JMY: variants seen among roughly 807,000 people sequenced by gnomAD.
JMY encodes junction mediating and regulatory protein, p53 cofactor.
JMY carries 46 observed loss-of-function variants against 103.3 expected under a neutral mutation model. That is an observed-to-expected ratio of 0.45 (90% CI 0.35 to 0.57). The LOEUF (loss-of-function observed/expected upper bound fraction) is 0.57. JMY is among the 20% of genes least tolerant of loss of function. The pLI is 0.00. For missense variants in JMY, 1,238 were observed against 1,255.2 expected (o/e 0.99, Z 0.21); for synonymous variants, 526 against 489.3 (o/e 1.07, Z -0.99).
intron 1 of JMY, among the ~76,000 whole-genome samples, chr5:79,253,582 G>T (rs1403194742): frequency 6.6e-6 from 1 of 152,138 alleles, no homozygotes; most frequent in Non-Finnish European, 1.5e-5. Flanking sequence ...GTGAGCCACC[G>T]CCCAGCCTGG....
intron 2 of JMY, among the ~76,000 whole-genome samples, chr5:79,279,699 A>T (rs904768393): frequency 1.3e-5 from 2 of 151,690 alleles, no homozygotes; most frequent in Non-Finnish European, 2.9e-5. Context: ...CTTTATCAAT[A>T]CTTTTGGAAA....
chr5:79,274,113 A>G (rs957638249), intron 1 of JMY, among the ~76,000 whole-genome samples: 7 of 147,696 alleles, frequency 4.7e-5, no homozygotes, highest in Non-Finnish European at 9.0e-5. Context: ...ACAGGAGTGA[A>G]CCACCACACC....
At chr5:79,297,192 G>C (rs1189060655) in intron 4 of JMY, among the ~76,000 whole-genome samples, 1 of 152,142 alleles carries the variant, frequency 6.6e-6, no homozygotes. Flanking sequence ...TTGGTTTGGG[G>C]TACTGGTATC....
intron 8 of JMY, among the ~76,000 whole-genome samples, chr5:79,313,105 C>T (rs918480680): frequency 6.6e-6 from 1 of 151,952 alleles, no homozygotes; most frequent in African/African-American, 2.4e-5. Flanking sequence ...ACAAGTGTTA[C>T]AGTGGAAAAA....
chr5:79,294,141 C>T (rs1378887481), intron 4 of JMY, among the ~76,000 whole-genome samples: 3 of 152,158 alleles, frequency 2.0e-5, no homozygotes, highest in African/African-American at 4.8e-5. Context: ...TGGTGGCTCA[C>T]GCCTGTAATC....
At chr5:79,301,317 T>C (rs1746727668) in intron 6 of JMY, among the ~76,000 whole-genome samples, 1 of 152,230 alleles carries the variant, frequency 6.6e-6, no homozygotes, top group Non-Finnish European at 1.5e-5. Context: ...TGTTTTGCAC[T>C]CTAGTCCAGA....
chr5:79,319,352 A>G (rs1747361936), intron 10 of JMY, among the ~76,000 whole-genome samples: 1 of 152,186 alleles, frequency 6.6e-6, no homozygotes, highest in African/African-American at 2.4e-5. Flanking sequence ...CTTAGAAAAT[A>G]TATGAGCTTG....
intron 1 of JMY, among the ~76,000 whole-genome samples, chr5:79,259,641 C>T (rs1048168817): frequency 3.9e-5 from 6 of 152,240 alleles, no homozygotes; most frequent in African/African-American, 7.2e-5. Flanking sequence ...GCCCAAAGTC[C>T]GCAGCAGGCT....
At chr5:79,261,959 A>G (rs1304535824) in intron 1 of JMY, among the ~76,000 whole-genome samples, 1 of 152,248 alleles carries the variant, frequency 6.6e-6, no homozygotes, top group Non-Finnish European at 1.5e-5. Context: ...TCAATAGAGC[A>G]AAATCATTTT....
chr5:79,236,662 G>A lies in JMY; in HGVS notation c.12G>A (p.Ala4=). Residue 4 remains alanine, a synonymous_variant, in exon 1 of 11, where the codon GCG becomes GCA. Coordinates refer to ENST00000396137, the MANE Select transcript of JMY (RefSeq NM_152405.5). MSF[A]LEETLESDWV... is the part of the protein sequence containing the mutation. ...AAGCCGGAGCCACCATGTCGTTCGC[G>A]CTGGAGGAGACGCTCGAGTCGGACT... 6.8e-7 allele frequency: 1 copy of A among 1,462,362 alleles called. No individual in the cohort carries two copies. Among genetic ancestry groups the A allele is most frequent in the Non-Finnish European group, 9.1e-7 (1 of 1,099,538 alleles). 90.6% of individuals were successfully genotyped at this position (1,462,362 alleles called of 1,614,324 possible). A position where few individuals can be genotyped will look rare whatever the true frequency, so the allele number is the denominator to read the frequency against.
chr5:79,276,579 A>AT (rs1745943260), intron 1 of JMY, among the ~76,000 whole-genome samples: 1 of 151,140 alleles, frequency 6.6e-6, no homozygotes, highest in Non-Finnish European at 1.5e-5. Context: ...TAATTTTTAC[A>AT]TTTTTTCTCC....
chr5:79,303,923 C>T (rs1746810518), intron 6 of JMY, among the ~76,000 whole-genome samples: 1 of 151,938 alleles, frequency 6.6e-6, no homozygotes, highest in Non-Finnish European at 1.5e-5. Context: ...GCAAAGGAAA[C>T]TGTACAGGTG....
At chr5:79,280,536 A>G (rs569885319) in intron 2 of JMY, among the ~76,000 whole-genome samples, 4 of 152,194 alleles carry the variant, frequency 2.6e-5, no homozygotes, top group Non-Finnish European at 4.4e-5. Context: ...AGACATTGAG[A>G]AAATGCCCCA....
chr5:79,278,366 A>G (rs1746007261), intron 2 of JMY, among the ~76,000 whole-genome samples: 2 of 151,746 alleles, frequency 1.3e-5, no homozygotes, highest in South Asian at 4.2e-4. Flanking sequence ...GAGGATTCCT[A>G]TTTTCTCCCT....
intron 1 of JMY, among the ~76,000 whole-genome samples, chr5:79,238,692 G>A (rs539429894): frequency 2.2e-5 from 3 of 134,832 alleles, no homozygotes; most frequent in Non-Finnish European, 4.6e-5. Context: ...CCGTCTCCCA[G>A]GCTGGAGTAC....
intron 2 of JMY, chr5:79,284,445 G>T (rs756039428): frequency 1.3e-6 from 2 of 1,554,838 alleles, no homozygotes; most frequent in Non-Finnish European, 1.8e-6. Flanking sequence ...TGGCGGACCC[G>T]TTGGTGCTGG....
chr5:79,240,257 G>A (rs376140209), intron 1 of JMY, among the ~76,000 whole-genome samples: 16 of 151,884 alleles, frequency 1.1e-4, no homozygotes, highest in African/African-American at 3.9e-4. Flanking sequence ...CTGGTGATCC[G>A]CCTGCCTCAG....
chr5:79,237,758 G>A, intron 1 of JMY, 76 bp downstream of exon 1: 1 of 1,341,278 alleles, frequency 7.5e-7, no homozygotes, highest in Non-Finnish European at 1.0e-6. Context: ...CTGGAGCCTC[G>A]GTGTCGGGTG....
chr5:79,247,739 AC>A (rs1744947509), intron 1 of JMY, among the ~76,000 whole-genome samples: 2 of 151,130 alleles, frequency 1.3e-5, no homozygotes, highest in Admixed American at 1.3e-4. Flanking sequence ...TGCAACTTCC[AC>A]CTCCCAGGTT....
Sources: allele counts gnomAD v4.1 joint callset (sites outside exome capture counted in the v4.1 genomes callset), GRCh38; gene constraint gnomAD v4.1.1; transcripts MANE v1.5; gene names NCBI Gene and HGNC (gene_info 2026-07-23, HGNC 2026-07-21).